Variants in INPP5B observed in about 807,000 individuals in gnomAD.
INPP5B encodes inositol polyphosphate-5-phosphatase B.
Under a neutral mutation model 118.5 loss-of-function variants are expected in INPP5B, and 90 were observed. The observed-to-expected ratio is 0.76, with a 90% confidence interval of 0.64 to 0.90. The LOEUF is 0.90. Among genes scored for constraint, INPP5B ranks in the 40% least tolerant of loss-of-function variants. The pLI, the probability that INPP5B is intolerant of heterozygous loss-of-function variation, is 0.00. For synonymous variants in INPP5B, 385 were observed against 418.9 expected, an observed-to-expected ratio of 0.92 and a Z score of 0.99; for missense variants, 984 against 1,125.6, an observed-to-expected ratio of 0.87 and a Z score of 1.80.
intron 6 of INPP5B, among the ~76,000 whole-genome samples, chr1:37,935,264 T>C (rs1645641526): frequency 7.0e-6 from 1 of 143,024 alleles, no homozygotes; most frequent in African/African-American, 2.6e-5. Context: ...CGATCTCGGC[T>C]CACTGCAACC....
rs1405570954 is a variant in INPP5B at position 37,861,886 on chromosome 1, A to C, written c.*429T>G. On this transcript the variant is annotated 3_prime_UTR_variant, in exon 24 of 24. Coordinates refer to ENST00000373024, the MANE Select transcript of INPP5B (RefSeq NM_005540.3). ...CCCCGTCTCTACTAAAATGCAAAAA[A>C]TTAGCTGGGCGTGGCAGTGTGTGCC... 6.4e-6 allele frequency: 1 copy of C among 157,448 alleles called. No homozygotes were observed. The highest frequency in any genetic ancestry group is 1.4e-5 in the Non-Finnish European group (1 of 71,828). The allele number at this position is 157,448 out of a possible 1,614,324, so 9.8% of individuals were successfully genotyped here.
chr1:37,929,499 G>A (rs1163625280), intron 7 of INPP5B: 1 of 151,894 alleles, frequency 6.6e-6, no homozygotes. Context: ...ATGCATATAG[G>A]AAAAAACAAT....
rs370984361 is a variant in INPP5B at position 37,873,414 on chromosome 1, C to A, written c.1952-249G>T. 7 of 495,946 alleles carry A rather than the reference C, an allele frequency of 1.4e-5. No individual in the cohort carries two copies. In the East Asian group the frequency reaches 2.5e-4, roughly 18 times the overall value. 30.7% of individuals were successfully genotyped at this position (495,946 alleles called of 1,614,324 possible). On this transcript the variant is annotated intron_variant, in intron 18 of 23. Coordinates refer to ENST00000373024, the MANE Select transcript of INPP5B (RefSeq NM_005540.3). The stretch of plus-strand genomic sequence containing the variant: ...AGACAAATGCTATAAAATTCAAGCA[C>A]TAAGGAGCACAGCTCAAGCTAGAAA...
chr1:37,883,010 G>A, intron 13 of INPP5B, 92 bp from the exon 14 acceptor site: 1 of 1,522,584 alleles, frequency 6.6e-7, no homozygotes, highest in Non-Finnish European at 8.8e-7. Context: ...CTGAGGCTCA[G>A]CCTCTTGGGA....
At chr1:37,901,564 G>A (rs1644332800) in intron 7 of INPP5B, among the ~76,000 whole-genome samples, 2 of 152,104 alleles carry the variant, frequency 1.3e-5, no homozygotes, top group African/African-American at 2.4e-5. Context: ...TCACGGCCAG[G>A]GGTACATAGC....
rs915386920 is a variant in INPP5B, at chr1:37,873,960, C to A, written c.1951+33G>T. 5.4e-6 allele frequency: 8 copies of A among 1,485,402 alleles called. No homozygotes were observed. In the African/African-American group the frequency reaches 9.8e-5, roughly 18 times the overall value. 92.0% of individuals were successfully genotyped at this position (1,485,402 alleles called of 1,614,324 possible). ...ATATAGAGTAAGGCATTCCCCAAAC[C>A]AGATACCAGGAAGCTAGGAACAGAG... On this transcript the variant is annotated intron_variant, in intron 18 of 23. Transcript: ENST00000373024.
intron 7 of INPP5B, among the ~76,000 whole-genome samples, chr1:37,896,666 C>G (rs1355027275): frequency 5.0e-5 from 7 of 139,036 alleles, no homozygotes; most frequent in African/African-American, 8.0e-5. Flanking sequence ...GCCCGGCCGC[C>G]CCTACTGGGA....
rs71053999 is a variant in INPP5B at position 37,893,085 on chromosome 1, C to CTTTTTTT, written c.533-1638_533-1632dup. Among the ~76,000 whole-genome samples the CTTTTTTT allele has an allele frequency of 7.3e-3, 590 of 81,284 alleles. 4 individuals are homozygous for CTTTTTTT. The highest frequency in any genetic ancestry group is 9.1e-3 in the Non-Finnish European group (418 of 45,902). 53.3% of individuals were successfully genotyped at this position (81,284 alleles called of 152,430 possible). A position where few individuals can be genotyped will look rare whatever the true frequency, so the allele number is the denominator to read the frequency against. On this transcript the variant is annotated intron_variant, in intron 7 of 23. Transcript: ENST00000373024. ...TATGTTTTTTTATTATTTTCTTTTT[C>CTTTTTTT]TTTTTTTTTTTTTTTTTTTTTTTTT...
intron 12 of INPP5B, 50 bp from the exon 13 acceptor site, chr1:37,885,875 T>C (rs781547342): frequency 2.6e-6 from 4 of 1,565,724 alleles, no homozygotes; most frequent in Non-Finnish European, 3.5e-6. Context: ...ATTGTGTCAG[T>C]CACTTAAACC....
At position 37,935,062 on chromosome 1, in the gene INPP5B, G is replaced by T. The variant is rs572206832; in HGVS notation, c.392-3009C>A. Among the ~76,000 whole-genome samples the T allele has an allele frequency of 4.9e-4, 74 of 150,252 alleles. No individual in the cohort carries two copies. In the East Asian group the frequency reaches 9.0e-3, roughly 18 times the overall value. On this transcript the variant is annotated intron_variant, in intron 6 of 23. Coordinates refer to ENST00000373024, the MANE Select transcript of INPP5B (RefSeq NM_005540.3). The stretch of plus-strand genomic sequence containing the variant: ...AAAAAATACAAAAAATTAGCCGGGC[G>T]TGCTGGCGGGCGCCTGTACTCCCAG...
chr1:37,946,102 C>A, intron 2 of INPP5B, 150 bp downstream of exon 2: 2 of 776,948 alleles, frequency 2.6e-6, no homozygotes, highest in South Asian at 3.4e-5. Flanking sequence ...GGCTGAGAGT[C>A]CAGGACTCAG....
At chr1:37,868,997 A>G (rs1463829655) in intron 19 of INPP5B, among the ~76,000 whole-genome samples, 2 of 151,494 alleles carry the variant, frequency 1.3e-5, no homozygotes, top group African/African-American at 4.9e-5. Context: ...ATTTTTTTTT[A>G]TTTTTATTTT....
chr1:37,917,365 T>C (rs1644910924), intron 7 of INPP5B, among the ~76,000 whole-genome samples: 1 of 136,148 alleles, frequency 7.3e-6, no homozygotes, highest in African/African-American at 2.7e-5. Flanking sequence ...GCTCTATCAC[T>C]CAGGCTGAAG....
intron 20 of INPP5B, among the ~76,000 whole-genome samples, chr1:37,868,158 C>A (rs961836751): frequency 1.3e-5 from 2 of 151,950 alleles, no homozygotes; most frequent in Non-Finnish European, 2.9e-5. Flanking sequence ...TACAAAAATA[C>A]AAAAATTAGC....
At chr1:37,908,501 T>A (rs1644575046) in intron 7 of INPP5B, among the ~76,000 whole-genome samples, 1 of 149,796 alleles carries the variant, frequency 6.7e-6, no homozygotes, top group African/African-American at 2.5e-5. Context: ...TCAGGGAGGC[T>A]AAGAGGCGGG....
chr1:37,869,918 A>T (rs1170107935), intron 19 of INPP5B: 1 of 152,140 alleles, frequency 6.6e-6, no homozygotes, highest in Non-Finnish European at 1.5e-5. Context: ...AAAAGCATAC[A>T]TATTACCATA....
chr1:37,926,658 C>G (rs905586037), intron 7 of INPP5B, among the ~76,000 whole-genome samples: 1 of 152,140 alleles, frequency 6.6e-6, no homozygotes, highest in African/African-American at 2.4e-5. Flanking sequence ...GTTAAAATAG[C>G]CCAGAATGGC....
At chr1:37,866,591 A>G (rs1391197299) in intron 20 of INPP5B, 48 bp from the exon 21 acceptor site, 2 of 1,175,582 alleles carry the variant, frequency 1.7e-6, no homozygotes, top group Admixed American at 1.7e-5. Flanking sequence ...TCAGAAAATC[A>G]TCAATGATTT....
In INPP5B at chr1:37,868,618, G is replaced by A. The variant is rs375670508; in HGVS notation, c.2188-4C>T. On this transcript the variant is annotated splice_region_variant and splice_polypyrimidine_tract_variant and intron_variant, in intron 19 of 23. Transcript: ENST00000373024. ...CAGTCCATACTGGCATCAGAGTCTGGAAAGCAATCAAGATCATGACAGAAC... is the reference window on the plus strand; with the variant it reads ...CAGTCCATACTGGCATCAGAGTCTGAAAAGCAATCAAGATCATGACAGAAC... The A allele has an allele frequency of 5.0e-6, 8 of 1,591,624 alleles. No individual in the cohort carries two copies. Among genetic ancestry groups the A allele is most frequent in the Non-Finnish European group, 6.9e-6 (8 of 1,159,528 alleles).
Sources: allele counts gnomAD v4.1 joint callset (sites outside exome capture counted in the v4.1 genomes callset), GRCh38; gene constraint gnomAD v4.1.1; transcripts MANE v1.5; gene names NCBI Gene and HGNC (gene_info 2026-07-23, HGNC 2026-07-21).